The following CAMK2A variants were observed in gnomAD, a reference collection of about 807,000 sequenced individuals.
The protein encoded by CAMK2A is calcium/calmodulin-dependent protein kinase type II subunit alpha.
CAMK2A carries 7 observed loss-of-function variants against 79.2 expected under a neutral mutation model. That is an observed-to-expected ratio of 0.09 (90% CI 0.05 to 0.17). CAMK2A has a LOEUF of 0.17. CAMK2A is among the 10% of genes least tolerant of loss of function. The probability of loss-of-function intolerance (pLI) is 1.00; values close to 1 mark genes in which losing one functional copy is unlikely to be tolerated. For synonymous variants in CAMK2A, 242 were observed against 251.7 expected (o/e 0.96, Z 0.36); for missense variants, 214 against 646.4 (o/e 0.33, Z 7.25).
At chr5:150,288,987 G>A (rs1352092819) in intron 1 of CAMK2A, among the ~76,000 whole-genome samples, 1 of 152,184 alleles carries the variant, frequency 6.6e-6, no homozygotes, top group East Asian at 1.9e-4. Context: ...AGCCTGTCAT[G>A]CTCAGATATT....
At chr5:150,225,981 G>C (rs1754581999) in intron 17 of CAMK2A, among the ~76,000 whole-genome samples, 1 of 152,176 alleles carries the variant, frequency 6.6e-6, no homozygotes, top group Non-Finnish European at 1.5e-5. Flanking sequence ...CTGACCTCAG[G>C]TGATCCTCCC....
chr5:150,261,101 G>T (rs1470470019), intron 3 of CAMK2A, among the ~76,000 whole-genome samples: 1 of 126,852 alleles, frequency 7.9e-6, no homozygotes, highest in Non-Finnish European at 1.8e-5. Context: ...AGGTCTCAGG[G>T]AAATGGACAG....
At chr5:150,237,959 C>T (rs542850788) in intron 15 of CAMK2A, among the ~76,000 whole-genome samples, 2 of 152,282 alleles carry the variant, frequency 1.3e-5, no homozygotes, top group South Asian at 4.2e-4. Flanking sequence ...GGCAGTGTTT[C>T]CCATACTCCA....
At chr5:150,285,088 C>A (rs1357450073) in intron 1 of CAMK2A, among the ~76,000 whole-genome samples, 2 of 152,176 alleles carry the variant, frequency 1.3e-5, no homozygotes, top group Admixed American at 6.5e-5. Flanking sequence ...AGTTTCCCTG[C>A]CCACATGGCC....
At position 150,221,210 on chromosome 5, in the gene CAMK2A, G is replaced by C; in HGVS notation, c.*1500C>G. 1 of 387,310 alleles carries C rather than the reference G, an allele frequency of 2.6e-6. No individual in the cohort carries two copies. Among genetic ancestry groups the C allele is most frequent in the Non-Finnish European group, 4.6e-6 (1 of 219,306 alleles). The allele number at this position is 387,310 out of a possible 1,614,324, so 24.0% of individuals were successfully genotyped here. A position where few individuals can be genotyped will look rare whatever the true frequency, so the allele number is the denominator to read the frequency against. Reference sequence around the variant, plus strand: ...TTTCAACATACTTACTGCGTATAAAGTCATGCAAAGAAAACAGTGCAGACA... The same window carrying C: ...TTTCAACATACTTACTGCGTATAAACTCATGCAAAGAAAACAGTGCAGACA... On this transcript the variant is annotated 3_prime_UTR_variant, in exon 19 of 19. Transcript: ENST00000671881.
chr5:150,250,910 G>A (rs1325474001), intron 9 of CAMK2A, 100 bp from the exon 10 acceptor site: 26 of 1,366,502 alleles, frequency 1.9e-5, no homozygotes, highest in Non-Finnish European at 2.7e-5. Context: ...GGGTCCTACT[G>A]CCCATCCACT....
At chr5:150,281,483 G>C (rs976866907) in intron 1 of CAMK2A, among the ~76,000 whole-genome samples, 1 of 152,214 alleles carries the variant, frequency 6.6e-6, no homozygotes, top group Non-Finnish European at 1.5e-5. Flanking sequence ...GGCTGCATCA[G>C]AACCTTGTAT....
intron 1 of CAMK2A, among the ~76,000 whole-genome samples, chr5:150,286,809 T>C (rs1757442970): frequency 6.6e-6 from 1 of 152,098 alleles, no homozygotes; most frequent in South Asian, 2.1e-4. Flanking sequence ...AGACAAAAGG[T>C]ACAAGCAGAT....
chr5:150,258,899 G>C (rs752007523), intron 3 of CAMK2A, among the ~76,000 whole-genome samples: 3 of 152,212 alleles, frequency 2.0e-5, no homozygotes, highest in African/African-American at 4.8e-5. Flanking sequence ...GAAAATTTAG[G>C]CTGGGAGCGG....
intron 1 of CAMK2A, among the ~76,000 whole-genome samples, chr5:150,285,150 C>T (rs146353417): frequency 2.6e-5 from 4 of 152,270 alleles, no homozygotes; most frequent in East Asian, 1.9e-4. Flanking sequence ...TCCCCAGATA[C>T]GGCACCAGTC....
intron 3 of CAMK2A, among the ~76,000 whole-genome samples, chr5:150,264,215 A>G (rs1008320602): frequency 6.6e-6 from 1 of 152,184 alleles, no homozygotes; most frequent in African/African-American, 2.4e-5. Flanking sequence ...CAAGGTGCCC[A>G]AGATGCTGGT....
At chr5:150,287,149 G>C (rs909614331) in intron 1 of CAMK2A, among the ~76,000 whole-genome samples, 3 of 152,170 alleles carry the variant, frequency 2.0e-5, no homozygotes, top group Non-Finnish European at 4.4e-5. Flanking sequence ...TCAATGATGT[G>C]GTCTGGACTT....
chr5:150,226,754 G>C (rs1339703594), intron 17 of CAMK2A, among the ~76,000 whole-genome samples: 3 of 137,838 alleles, frequency 2.2e-5, no homozygotes, highest in Admixed American at 7.2e-5. Flanking sequence ...AGGGGGGGGG[G>C]GGATTTTCCT....
At chr5:150,247,848 AG>A in intron 11 of CAMK2A, 34 bp from the exon 12 acceptor site, 1 of 1,602,098 alleles carries the variant, frequency 6.2e-7, no homozygotes, top group South Asian at 1.1e-5. Context: ...GTGGGAGAGG[AG>A]GCCGGAGTGA....
At chr5:150,270,042 G>T (rs1008131196) in intron 2 of CAMK2A, among the ~76,000 whole-genome samples, 3 of 152,212 alleles carry the variant, frequency 2.0e-5, no homozygotes, top group Non-Finnish European at 4.4e-5. Context: ...ACCTCTAGCT[G>T]CACCAGCCTC....
rs115982040 is a variant in CAMK2A at position 150,280,139 on chromosome 5, G to C, written c.63-6980C>G. On this transcript the variant is annotated intron_variant, in intron 1 of 18. Transcript: ENST00000671881. ...TTTGTGAGGGGTCTCTGCTACTCAA[G>C]ACTGGTTGCTGCCACTTTCTCTAAA... is the stretch of plus-strand genomic sequence containing the variant. 3.6e-3 allele frequency among the ~76,000 whole-genome samples: 542 copies of C among 152,300 alleles called. 1 individual carries two copies. The highest frequency in any genetic ancestry group is 5.8e-3 in the Non-Finnish European group (394 of 68,014).
Position 150,284,327 on chromosome 5 carries a change from C to T in CAMK2A, c.62+5237G>A, listed in dbSNP as rs754190922. ...GTGTCCATGTGCATGTGTGTGCTCCCGTGAGCTGTGTGAAGACGCATGTGT... is the reference window on the plus strand; with the variant it reads ...GTGTCCATGTGCATGTGTGTGCTCCTGTGAGCTGTGTGAAGACGCATGTGT... On this transcript the variant is annotated intron_variant, in intron 1 of 18. Coordinates refer to ENST00000671881, the MANE Select transcript of CAMK2A (RefSeq NM_015981.4). The surrounding 1 kb of genome is among the most constrained non-coding windows in gnomAD (Gnocchi z 5.3). Among the ~76,000 whole-genome samples, 7 of 152,186 alleles carry T rather than the reference C, an allele frequency of 4.6e-5. No individual in the cohort carries two copies. Among genetic ancestry groups the T allele is most frequent in the African/African-American group, 7.2e-5 (3 of 41,442 alleles).
intron 2 of CAMK2A, chr5:150,265,368 G>T: frequency 4.3e-6 from 1 of 234,656 alleles, no homozygotes. Context: ...ATCCCGCTGG[G>T]CCCTCTCACT....
chr5:150,280,518 C>T (rs1013938320), intron 1 of CAMK2A, among the ~76,000 whole-genome samples: 2 of 152,098 alleles, frequency 1.3e-5, no homozygotes, highest in East Asian at 1.9e-4. Context: ...AACAAATGTC[C>T]GACATCCGCC....
Sources: allele counts gnomAD v4.1 joint callset (sites outside exome capture counted in the v4.1 genomes callset), GRCh38; gene constraint gnomAD v4.1.1; non-coding constraint Gnocchi (gnomAD v3.1); transcripts MANE v1.5; gene names NCBI Gene and HGNC (gene_info 2026-07-23, HGNC 2026-07-21).